The following MCTP2 variants were observed in gnomAD, a reference collection of about 807,000 sequenced individuals.
MCTP2 encodes multiple C2 and transmembrane domain containing 2.
A neutral mutation model predicts 111.6 loss-of-function variants in MCTP2; 132 were observed. The observed-to-expected ratio is 1.18, with a 90% CI of 1.03 to 1.37. The LOEUF (loss-of-function observed/expected upper bound fraction) is 1.37. Among genes scored for constraint, MCTP2 ranks in the 40% most tolerant of loss-of-function variants. MCTP2 has a pLI of 0.00. For synonymous variants in MCTP2, 395 were observed against 387.7 expected, an observed-to-expected ratio of 1.02 and a Z score of -0.22; for missense variants, 1,183 against 1,067.9, an observed-to-expected ratio of 1.11 and a Z score of -1.50.
chr15:94,299,452 A>G (rs1455434466), intron 2 of MCTP2, among the ~76,000 whole-genome samples: 3 of 152,154 alleles, frequency 2.0e-5, no homozygotes, highest in African/African-American at 7.2e-5. Context: ...ACTTCCTTCT[A>G]TTTTATACCT....
intron 7 of MCTP2, chr15:94,341,136 T>C: frequency 2.0e-6 from 1 of 498,560 alleles, no homozygotes. Flanking sequence ...GAATTATTTC[T>C]TTTGTGTTAT....
intron 19 of MCTP2, among the ~76,000 whole-genome samples, chr15:94,449,569 C>G (rs1305853832): frequency 6.6e-6 from 1 of 152,150 alleles, no homozygotes; most frequent in Non-Finnish European, 1.5e-5. Context: ...AAAATTACAA[C>G]CATAAACAAG....
At chr15:94,280,251 T>C in intron 1 of MCTP2, among the ~76,000 whole-genome samples, 1 of 151,904 alleles carries the variant, frequency 6.6e-6, no homozygotes, top group Non-Finnish European at 1.5e-5. Flanking sequence ...GGTTTTTAAA[T>C]TTTTTTTATT....
At chr15:94,243,814 T>C (rs369427478) in intron 1 of MCTP2, among the ~76,000 whole-genome samples, 13 of 148,444 alleles carry the variant, frequency 8.8e-5, no homozygotes, top group East Asian at 8.1e-4. Flanking sequence ...TATATACATA[T>C]ATGTATACAC....
chr15:94,281,300 T>C (rs752316754), intron 1 of MCTP2, among the ~76,000 whole-genome samples: 1 of 152,206 alleles, frequency 6.6e-6, no homozygotes, highest in Non-Finnish European at 1.5e-5. Context: ...AATTGAACTC[T>C]TTATCATTAT....
chr15:94,342,599 C>T (rs898344996), intron 7 of MCTP2: 12 of 126,790 alleles, frequency 9.5e-5, no homozygotes, highest in Non-Finnish European at 1.8e-4. Context: ...TATACACACA[C>T]ACACACATAT....
chr15:94,356,332 G>A (rs745796693), intron 9 of MCTP2, 31 bp downstream of exon 9: 17 of 1,490,252 alleles, frequency 1.1e-5, no homozygotes, highest in Middle Eastern at 1.8e-4. Flanking sequence ...AAGGAGAACA[G>A]TATCTTTAAA....
Position 94,243,501 on chromosome 15 carries a change from A to G in MCTP2, c.-66+11837A>G, listed in dbSNP as rs200300499. 3.3e-3 allele frequency among the ~76,000 whole-genome samples: 272 copies of G among 81,778 alleles called. 33 individuals carry two copies. Among genetic ancestry groups the G allele is most frequent in the African/African-American group, 4.4e-3 (117 of 26,446 alleles). 53.6% of individuals were successfully genotyped at this position (81,778 alleles called of 152,430 possible). A position where few individuals can be genotyped will look rare whatever the true frequency, so the allele number is the denominator to read the frequency against. The stretch of plus-strand genomic sequence containing the variant: ...TGTACACACATACGTATGCGTACAT[A>G]TGTATGCGTATATGCGTATGTACAC... On this transcript the variant is annotated intron_variant, in intron 1 of 22. Transcript: ENST00000357742.
At chr15:94,402,764 G>T in intron 17 of MCTP2, 1 of 1,424,218 alleles carries the variant, frequency 7.0e-7, no homozygotes, top group Non-Finnish European at 9.1e-7. Context: ...CAAGTCTCCC[G>T]ACTGCAAATC....
chr15:94,363,439 T>C (rs1311566228), intron 10 of MCTP2, among the ~76,000 whole-genome samples: 1 of 151,910 alleles, frequency 6.6e-6, no homozygotes, highest in African/African-American at 2.4e-5. Context: ...GTAGGAATAG[T>C]GGTAATTAAC....
chr15:94,476,637 TAG>T, intron 21 of MCTP2, 57 bp from the exon 22 acceptor site: 2 of 868,920 alleles, frequency 2.3e-6, no homozygotes, highest in Non-Finnish European at 1.9e-6. Flanking sequence ...GATAGATAGA[TAG>T]ATAGATAGAT....
chr15:94,473,208 G>A (rs1389111070), intron 21 of MCTP2, among the ~76,000 whole-genome samples: 1 of 151,884 alleles, frequency 6.6e-6, no homozygotes, highest in African/African-American at 2.4e-5. Context: ...GAATATTTTT[G>A]GACACACCAA....
At chr15:94,299,481 G>A (rs1359912457) in intron 2 of MCTP2, among the ~76,000 whole-genome samples, 1 of 152,058 alleles carries the variant, frequency 6.6e-6, no homozygotes, top group Non-Finnish European at 1.5e-5. Context: ...ACTCGCCTGT[G>A]AACAAGCATT....
intron 19 of MCTP2, among the ~76,000 whole-genome samples, chr15:94,450,446 G>A (rs1270464065): frequency 6.6e-6 from 1 of 152,218 alleles, no homozygotes; most frequent in Non-Finnish European, 1.5e-5. Context: ...GCATTGCTGG[G>A]ATTCCCAAAG....
At chr15:94,391,909 C>T (rs1462070925) in intron 14 of MCTP2, among the ~76,000 whole-genome samples, 1 of 152,088 alleles carries the variant, frequency 6.6e-6, no homozygotes, top group Non-Finnish European at 1.5e-5. Context: ...GTGGAAAAAC[C>T]TCTTACATGG....
intron 17 of MCTP2, among the ~76,000 whole-genome samples, chr15:94,406,711 C>T (rs1354597879): frequency 1.3e-5 from 2 of 152,164 alleles, no homozygotes; most frequent in African/African-American, 2.4e-5. Context: ...TGGTTCTAGA[C>T]TGAGTCCCAA....
At chr15:94,236,752 C>T (rs955249631) in intron 1 of MCTP2, among the ~76,000 whole-genome samples, 1 of 152,112 alleles carries the variant, frequency 6.6e-6, no homozygotes. Flanking sequence ...AATAGAAGTC[C>T]TTGTAGTGCA....
chr15:94,416,941 A>G (rs1411395633), intron 17 of MCTP2, among the ~76,000 whole-genome samples: 1 of 152,134 alleles, frequency 6.6e-6, no homozygotes, highest in Non-Finnish European at 1.5e-5. Flanking sequence ...GTTTATAAGT[A>G]ATGTGAGACT....
chr15:94,246,874 G>A (rs989468876), intron 1 of MCTP2, among the ~76,000 whole-genome samples: 8 of 152,290 alleles, frequency 5.3e-5, no homozygotes, highest in Non-Finnish European at 8.8e-5. Flanking sequence ...ATTGATAAGT[G>A]TTCTTTACCT....
Sources: gnomAD v4.1 joint callset for allele counts (sites outside exome capture counted in the v4.1 genomes callset) on GRCh38, gnomAD v4.1.1 for gene constraint, MANE v1.5 for transcripts, NCBI Gene and HGNC (gene_info 2026-07-23, HGNC 2026-07-21) for gene names.